SAMTOR: variants seen among roughly 807,000 people sequenced by gnomAD.
SAMTOR encodes the protein UPF0532 protein C7orf60.
At chr7:112,872,127 G>T in the SAMTOR span, among the ~76,000 whole-genome samples, 1 of 152,068 alleles carries the variant, frequency 6.6e-6, no homozygotes, top group Non-Finnish European at 1.5e-5. Context: ...CTCATTCTAT[G>T]AAACCAGTAT....
chr7:112,871,316 G>C, the SAMTOR span, among the ~76,000 whole-genome samples: 1 of 152,276 alleles, frequency 6.6e-6, no homozygotes, highest in Non-Finnish European at 1.5e-5. Context: ...GTCATATCAA[G>C]CATATTCTCA....
At chr7:112,916,839 T>C in the SAMTOR span, among the ~76,000 whole-genome samples, 2 of 152,012 alleles carry the variant, frequency 1.3e-5, no homozygotes, top group African/African-American at 4.8e-5. Context: ...TCTCGCTGAT[T>C]GCTAGCACAG....
chr7:112,883,956 G>A, the SAMTOR span, among the ~76,000 whole-genome samples: 5 of 152,122 alleles, frequency 3.3e-5, no homozygotes, highest in East Asian at 3.9e-4. Flanking sequence ...AGGTTTAATT[G>A]ACTCACAATT....
chr7:112,869,314 C>T, the SAMTOR span, among the ~76,000 whole-genome samples: 1 of 152,036 alleles, frequency 6.6e-6, no homozygotes, highest in Non-Finnish European at 1.5e-5. Context: ...GTGGCACTGG[C>T]GGGATAAGGA....
At chr7:112,875,063 AC>A in the SAMTOR span, among the ~76,000 whole-genome samples, 3 of 152,152 alleles carry the variant, frequency 2.0e-5, no homozygotes, top group Non-Finnish European at 4.4e-5. Flanking sequence ...GTCTGGTATC[AC>A]CCATCACAGG....
At chr7:112,922,236 A>C in the SAMTOR span, among the ~76,000 whole-genome samples, 11 of 152,214 alleles carry the variant, frequency 7.2e-5, no homozygotes. Flanking sequence ...GGGATTGCAG[A>C]CGGAGTCTCA....
chr7:112,869,825 G>C, the SAMTOR span, among the ~76,000 whole-genome samples: 1 of 152,152 alleles, frequency 6.6e-6, no homozygotes, highest in Non-Finnish European at 1.5e-5. Flanking sequence ...ACAGAAAAAT[G>C]ATCCAGGAGT....
the SAMTOR span, among the ~76,000 whole-genome samples, chr7:112,916,029 A>AC: frequency 3.9e-5 from 6 of 152,352 alleles, no homozygotes; most frequent in Non-Finnish European, 8.8e-5. Context: ...CTATTTACAC[A>AC]CTTGGACTTG....
the SAMTOR span, among the ~76,000 whole-genome samples, chr7:112,914,119 GAATGA>G: frequency 6.6e-6 from 1 of 152,008 alleles, no homozygotes; most frequent in Admixed American, 6.5e-5. Context: ...TTTGTTGAAT[GAATGA>G]AATATGCATT....
the SAMTOR span, among the ~76,000 whole-genome samples, chr7:112,839,292 GAAAGATGTTTTTACA>G: frequency 5.3e-5 from 8 of 151,784 alleles, no homozygotes; most frequent in African/African-American, 1.9e-4. Flanking sequence ...GGGGAGAAAG[GAAAGATGTTTTTACA>G]AAAGAATGCC....
At chr7:112,939,823 G>A in the SAMTOR span, 132 of 1,245,136 alleles carry the variant, frequency 1.1e-4, no homozygotes, top group African/African-American at 1.5e-3. Flanking sequence ...GGTGGGGTAG[G>A]AGGAGGGAGC....
the SAMTOR span, among the ~76,000 whole-genome samples, chr7:112,850,655 T>C: frequency 2.0e-5 from 3 of 152,216 alleles, no homozygotes; most frequent in Non-Finnish European, 4.4e-5. Context: ...TCCAAGAATT[T>C]ACCCATTTCC....
the SAMTOR span, among the ~76,000 whole-genome samples, chr7:112,853,712 A>G: frequency 1.3e-5 from 2 of 152,150 alleles, no homozygotes; most frequent in Non-Finnish European, 2.9e-5. Flanking sequence ...GGGCCAGCAA[A>G]GGCAGATATG....
At chr7:112,861,204 A>G in the SAMTOR span, among the ~76,000 whole-genome samples, 1 of 152,232 alleles carries the variant, frequency 6.6e-6, no homozygotes, top group South Asian at 2.1e-4. Flanking sequence ...CTTGCTGGCA[A>G]CCTATACTGC....
the SAMTOR span, among the ~76,000 whole-genome samples, chr7:112,827,953 A>C: frequency 2.0e-5 from 3 of 152,036 alleles, no homozygotes; most frequent in Non-Finnish European, 2.9e-5. Context: ...GGGCTCAAGC[A>C]GTCCTTCTGC....
the SAMTOR span, among the ~76,000 whole-genome samples, chr7:112,845,211 C>T: frequency 3.9e-5 from 6 of 152,140 alleles, no homozygotes; most frequent in South Asian, 4.2e-4. Context: ...ATGTGAAAAG[C>T]AATCACAACA....
At chr7:112,882,954 T>C in the SAMTOR span, among the ~76,000 whole-genome samples, 1 of 152,176 alleles carries the variant, frequency 6.6e-6, no homozygotes, top group Non-Finnish European at 1.5e-5. Flanking sequence ...AAAGAGGATA[T>C]TAAAAAATCA....
the SAMTOR span, among the ~76,000 whole-genome samples, chr7:112,878,454 T>TA: frequency 2.0e-5 from 3 of 152,170 alleles, no homozygotes; most frequent in Non-Finnish European, 4.4e-5. Context: ...CTGAGACTCC[T>TA]AGGGATCCAC....
the SAMTOR span, among the ~76,000 whole-genome samples, chr7:112,883,426 T>A: frequency 6.6e-6 from 1 of 152,212 alleles, no homozygotes; most frequent in South Asian, 2.1e-4. Context: ...GGTAAATACT[T>A]AATATCCCCA....
Sources: gnomAD v4.1 joint callset for allele counts (sites outside exome capture counted in the v4.1 genomes callset) on GRCh38, gnomAD v4.1.1 for gene constraint, MANE v1.5 for transcripts, NCBI Gene and HGNC (gene_info 2026-07-23, HGNC 2026-07-21) for gene names.